Variants in SLC22A7 observed in about 807,000 individuals in gnomAD.
SLC22A7 encodes solute carrier family 22 member 7.
Under a neutral mutation model 62.2 loss-of-function variants are expected in SLC22A7, and 48 were observed. That is an observed-to-expected ratio of 0.77 (90% confidence interval 0.61 to 0.98). The LOEUF (loss-of-function observed/expected upper bound fraction) is 0.98. Among genes scored for constraint, SLC22A7 ranks in the 50% least tolerant of loss-of-function variants. SLC22A7 has a pLI of 0.00. For synonymous variants in SLC22A7, 276 were observed against 314.8 expected, an observed-to-expected ratio of 0.88 and a Z score of 1.30; for missense variants, 581 against 703.8, an observed-to-expected ratio of 0.83 and a Z score of 1.97.
chr6:43,298,497 CA>C lies in SLC22A7; in HGVS notation c.140del (p.His47ProfsTer97). 6.2e-7 allele frequency: 1 copy of C among 1,613,596 alleles called. No individual in the cohort carries two copies. The highest frequency in any genetic ancestry group is 8.5e-7 in the Non-Finnish European group (1 of 1,180,036). On this transcript the variant is annotated frameshift_variant, in exon 1 of 11. Transcript: ENST00000372585. LOFTEE classifies it high-confidence loss of function. ...CATCTTCCTGGCTGCCGTGCCTGCC[CA>C]CCGATGTGCCCTGCCGGGTGCCCCT... Reference protein sequence around the residue: ...LPIFLAAVPAHRCALPGAPAN... With the variant: ...LPIFLAAVPAXRCALPGAPAN...
rs1277729571 is a variant in SLC22A7 at position 43,298,424 on chromosome 6, A to C, written c.66A>C (p.Ala22=). 6.2e-7 allele frequency: 1 copy of C among 1,613,990 alleles called. No homozygotes were observed. The highest frequency in any genetic ancestry group is 2.2e-5 in the East Asian group (1 of 44,900). The part of the protein sequence containing the change: ...GFGPFQLRNV[A]LLALPRVLLP... The stretch of plus-strand genomic sequence containing the variant: ...GGCCCTTCCAACTGCGGAATGTGGC[A>C]CTGCTGGCCCTGCCCCGAGTGCTGC... Residue 22 remains alanine (A), a synonymous_variant, in exon 1 of 11, where the codon GCA becomes GCC. Transcript: ENST00000372585.
chr6:43,301,044 G>A (rs913683558), intron 5 of SLC22A7, 91 bp from the exon 6 acceptor site: 3 of 1,532,418 alleles, frequency 2.0e-6, no homozygotes, highest in Non-Finnish European at 2.7e-6. Context: ...ACATGAGCAA[G>A]AGCCTGGAAG....
intron 6 of SLC22A7, 74 bp from the exon 7 acceptor site, chr6:43,301,509 G>T: frequency 1.6e-6 from 2 of 1,223,040 alleles, no homozygotes; most frequent in Non-Finnish European, 2.4e-6. Context: ...GAGAGGGGTG[G>T]GGGGAGAGTA....
chr6:43,296,019 C>T (rs1378506873), upstream of SLC22A7, among the ~76,000 whole-genome samples: 1 of 152,220 alleles, frequency 6.6e-6, no homozygotes, highest in African/African-American at 2.4e-5. Context: ...AATTCTCCTG[C>T]CTCAGCCTCC....
intron 10 of SLC22A7, 92 bp from the exon 11 acceptor site, chr6:43,304,579 G>T: frequency 1.8e-6 from 2 of 1,083,398 alleles, no homozygotes; most frequent in South Asian, 1.4e-5. Context: ...CCAGGAACTG[G>T]GGTGAGCCCT....
rs1778897045 is a variant in SLC22A7 at position 43,305,219 on chromosome 6, C to T, written c.*494C>T. Reference sequence around the variant, plus strand: ...ACTGAATAAGGTGCTTCTGCTTCTTCTAGAGATGGTGCTAAAGAAAGGACT... The same window carrying T: ...ACTGAATAAGGTGCTTCTGCTTCTTTTAGAGATGGTGCTAAAGAAAGGACT... On this transcript the variant is annotated 3_prime_UTR_variant, in exon 11 of 11. Transcript: ENST00000372585. 1 of 163,956 alleles carries T rather than the reference C, an allele frequency of 6.1e-6. No homozygotes were observed. Among genetic ancestry groups the T allele is most frequent in the Non-Finnish European group, 1.3e-5 (1 of 76,372 alleles). The allele number at this position is 163,956 out of a possible 1,614,324, so 10.2% of individuals were successfully genotyped here. A position where few individuals can be genotyped will look rare whatever the true frequency, so the allele number is the denominator to read the frequency against.
In SLC22A7 at chr6:43,302,512, T is replaced by TC. The variant is rs368504356; in HGVS notation, c.1276+103dup. ...CACCTCCTGGCCAAGAACCCACTCC[T>TC]CCCCCAGATCCCTGCTCTTACCCAG... On this transcript the variant is annotated intron_variant, in intron 8 of 10. Transcript: ENST00000372585. This position sits in a 1 kb window ranked among gnomAD's most constrained non-coding sequence, Gnocchi z 5.0. 1 of 1,218,704 alleles carries TC rather than the reference T, an allele frequency of 8.2e-7. No individual in the cohort carries two copies. The highest frequency in any genetic ancestry group is 1.5e-5 in the African/African-American group (1 of 65,856). The allele number at this position is 1,218,704 out of a possible 1,614,324, so 75.5% of individuals were successfully genotyped here.
Position 43,298,329 on chromosome 6 carries a change from T to G in SLC22A7, c.-30T>G, listed in dbSNP as rs1322274531. 1.9e-6 allele frequency: 3 copies of G among 1,579,004 alleles called. No individual in the cohort carries two copies. In the East Asian group the frequency reaches 6.7e-5, roughly 35 times the overall value. The stretch of plus-strand genomic sequence containing the variant: ...AGCTGGCTGGATACTAGAGGGAGGC[T>G]GCACCTGAAGCATTTGGTGGGTGAG... On this transcript the variant is annotated 5_prime_UTR_variant, in exon 1 of 11. Coordinates refer to ENST00000372585, the MANE Select transcript of SLC22A7 (RefSeq NM_153320.2).
rs1415172937 is a variant in SLC22A7 at position 43,304,173 on chromosome 6, C to T, written c.1521C>T (p.Gly507=). ...GGGGGATCGCCCTGCTGGCTGCCGG[C>T]ACCGCCCTCCTGCTGCCAGAGACGA... ...TYGGIALLAA[G]TALLLPETRQ... Residue 507 remains glycine, a synonymous_variant, in exon 10 of 11, where the codon GGC becomes GGT. Coordinates refer to ENST00000372585, the MANE Select transcript of SLC22A7 (RefSeq NM_153320.2). The T allele has an allele frequency of 6.2e-7, 1 of 1,601,206 alleles. No individual in the cohort carries two copies. The highest frequency in any genetic ancestry group is 8.5e-7 in the Non-Finnish European group (1 of 1,172,454).
In SLC22A7 at chr6:43,299,658, T is replaced by C; in HGVS notation, c.535T>C (p.Tyr179His). The stretch of plus-strand genomic sequence containing the variant: ...GCGGCGGCGTCTGCTGCTGGTAGCC[T>C]ACGTGAGTACCCTGGTGCTGGGCCT... ...FGRRRLLLVAYVSTLVLGLAS... is the reference protein window; with the variant it reads ...FGRRRLLLVAHVSTLVLGLAS... The change falls in exon 4 of 11, where the codon TAC (tyrosine) becomes CAC (histidine). Residue 179 changes from tyrosine to histidine, a missense_variant. Tyr to His is a moderately conservative substitution (Grantham distance 83). Transcript: ENST00000372585. The surrounding 1 kb of genome is among the most constrained non-coding windows in gnomAD (Gnocchi z 4.4). 1 of 1,614,168 alleles carries C rather than the reference T, an allele frequency of 6.2e-7. No homozygotes were observed. The highest frequency in any genetic ancestry group is 8.5e-7 in the Non-Finnish European group (1 of 1,180,020).
chr6:43,302,244 C>T lies in SLC22A7; in HGVS notation c.1106C>T (p.Ser369Leu), dbSNP rs1185252469. 1.0e-5 allele frequency: 16 copies of T among 1,607,864 alleles called. No homozygotes were observed. Among genetic ancestry groups the T allele is most frequent in the Admixed American group, 1.7e-5 (1 of 59,468 alleles). The stretch of plus-strand genomic sequence containing the variant: ...TATTACGGCCTGAGTCTGGATGTGT[C>T]GGGGCTGGGGCTGAACGTGTACCAG... ...FSYYGLSLDV[S>L]GLGLNVYQTQ... Residue 369 changes from serine (S) to leucine (L), a missense_variant, in exon 8 of 11, where the codon TCG becomes TTG. By Grantham distance (145) the Ser-to-Leu change is moderately radical. Coordinates refer to ENST00000372585, the MANE Select transcript of SLC22A7 (RefSeq NM_153320.2). The surrounding 1 kb of genome is among the most constrained non-coding windows in gnomAD (Gnocchi z 5.0).
In SLC22A7 at chr6:43,298,402, C is replaced by T. The variant is rs368292121; in HGVS notation, c.44C>T (p.Pro15Leu). The T allele has an allele frequency of 1.6e-5, 26 of 1,613,794 alleles. 1 individual carries two copies. In the Admixed American group the frequency reaches 2.5e-4, roughly 16 times the overall value. ...ELLEQVGGFG[P>L]FQLRNVALLA... is the part of the protein sequence containing the mutation. Reference sequence around the variant, plus strand: ...CTGGAGCAGGTGGGCGGCTTTGGGCCCTTCCAACTGCGGAATGTGGCACTG... The same window carrying T: ...CTGGAGCAGGTGGGCGGCTTTGGGCTCTTCCAACTGCGGAATGTGGCACTG... Residue 15 changes from proline to leucine, a missense_variant, in exon 1 of 11, where the codon CCC becomes CTC. Pro to Leu is a moderately conservative substitution (Grantham distance 98). Coordinates refer to ENST00000372585, the MANE Select transcript of SLC22A7 (RefSeq NM_153320.2).
intron 5 of SLC22A7, among the ~76,000 whole-genome samples, chr6:43,300,634 A>G (rs1218720560): frequency 6.6e-6 from 1 of 151,874 alleles, no homozygotes; most frequent in Non-Finnish European, 1.5e-5. Flanking sequence ...GAGGTGTTTT[A>G]TTTTTATTTT....
rs753078660 is a variant in SLC22A7, at chr6:43,298,620, G to C, written c.262G>C (p.Ala88Pro). The C allele has an allele frequency of 3.7e-6, 6 of 1,603,754 alleles. No homozygotes were observed. The highest frequency in any genetic ancestry group is 1.1e-5 in the South Asian group (1 of 89,266). ...CTGCCTCCGCTTTGCCTATCCCCAGGCTCTCCCCAACACCACGTTGGGGGA... is the reference window on the plus strand; with the variant it reads ...CTGCCTCCGCTTTGCCTATCCCCAGCCTCTCCCCAACACCACGTTGGGGGA... The part of the protein sequence containing the change: ...SSCLRFAYPQ[A>P]LPNTTLGEER... The change falls in exon 1 of 11, where the codon GCT (alanine) becomes CCT (proline). Residue 88 changes from alanine to proline, a missense_variant. Coordinates refer to ENST00000372585, the MANE Select transcript of SLC22A7 (RefSeq NM_153320.2).
At chr6:43,297,484 T>C (rs1320971118), upstream of SLC22A7, among the ~76,000 whole-genome samples, 2 of 152,152 alleles carry the variant, frequency 1.3e-5, no homozygotes, top group Admixed American at 6.5e-5. Flanking sequence ...GATTGAACAT[T>C]TGAGTCTTAG....
intron 10 of SLC22A7, 169 bp downstream of exon 10, chr6:43,304,413 G>A (rs1348842832): frequency 9.6e-6 from 6 of 623,616 alleles, no homozygotes; most frequent in Admixed American, 6.8e-5. Flanking sequence ...ATGATTGGGG[G>A]CATGTAAACT....
chr6:43,303,002 A>G, intron 9 of SLC22A7: 1 of 539,622 alleles, frequency 1.9e-6, no homozygotes, highest in Non-Finnish European at 2.4e-6. Context: ...TACAGGCATG[A>G]GCCACCGCAC....
chr6:43,304,763 G>A lies in SLC22A7; in HGVS notation c.*38G>A. ...GCAGGCCCTCCACAGAAGCTCTGCA[G>A]CAGGGGCTGGGAGAGCAGAAGGGCA... On this transcript the variant is annotated 3_prime_UTR_variant, in exon 11 of 11. Coordinates refer to ENST00000372585, the MANE Select transcript of SLC22A7 (RefSeq NM_153320.2). 6.7e-7 allele frequency: 1 copy of A among 1,495,290 alleles called. No homozygotes were observed. The highest frequency in any genetic ancestry group is 9.1e-7 in the Non-Finnish European group (1 of 1,104,222). 92.6% of individuals were successfully genotyped at this position (1,495,290 alleles called of 1,614,324 possible).
In SLC22A7 at chr6:43,302,784, T is replaced by C. The variant is rs1193604165; in HGVS notation, c.1385+21T>C. 2 of 1,507,482 alleles carry C rather than the reference T, an allele frequency of 1.3e-6. No individual in the cohort carries two copies. The highest frequency in any genetic ancestry group is 1.4e-5 in the African/African-American group (1 of 73,026). The allele number at this position is 1,507,482 out of a possible 1,614,324, so 93.4% of individuals were successfully genotyped here. A position where few individuals can be genotyped will look rare whatever the true frequency, so the allele number is the denominator to read the frequency against. On this transcript the variant is annotated intron_variant, in intron 9 of 10. Coordinates refer to ENST00000372585, the MANE Select transcript of SLC22A7 (RefSeq NM_153320.2). The surrounding 1 kb of genome is among the most constrained non-coding windows in gnomAD (Gnocchi z 5.0). ...CTCAGGTGAGGAAGCCTGCAACTGATCTGGGGGTATGGGGCTTGTTAGTCA... is the reference window on the plus strand; with the variant it reads ...CTCAGGTGAGGAAGCCTGCAACTGACCTGGGGGTATGGGGCTTGTTAGTCA...
Sources: allele counts gnomAD v4.1 joint callset (sites outside exome capture counted in the v4.1 genomes callset), GRCh38; gene constraint gnomAD v4.1.1; non-coding constraint Gnocchi (gnomAD v3.1); transcripts MANE v1.5; gene names NCBI Gene and HGNC (gene_info 2026-07-23, HGNC 2026-07-21).